The following ZUP1 variants were observed in gnomAD, a reference collection of about 807,000 sequenced individuals.
ZUP1 encodes the protein zinc finger containing ubiquitin peptidase 1.
A neutral mutation model predicts 68.1 loss-of-function variants in ZUP1; 55 were observed. The ratio of observed to expected loss-of-function variants is 0.81; its 90% CI spans 0.65 to 1.01. The LOEUF (loss-of-function observed/expected upper bound fraction) is 1.01. ZUP1 is among the 50% of genes least tolerant of loss of function. The pLI, the probability that ZUP1 is intolerant of heterozygous loss-of-function variation, is 0.00. For synonymous variants in ZUP1, 223 were observed against 221.5 expected (o/e 1.01, Z -0.06); for missense variants, 684 against 674.9 (o/e 1.01, Z -0.15).
At position 116,635,889 on chromosome 6, in the gene ZUP1, A is replaced by G; in HGVS notation, c.1690-10T>C. ...AAGCTTGTCTCCTGGCCTTGAAAAGAAATTTTAAAAAACAATTTTAAGCTA... is the reference window on the plus strand; with the variant it reads ...AAGCTTGTCTCCTGGCCTTGAAAAGGAATTTTAAAAAACAATTTTAAGCTA... On this transcript the variant is annotated splice_polypyrimidine_tract_variant and intron_variant, in intron 9 of 9. Transcript: ENST00000368576. The G allele has an allele frequency of 1.3e-6, 2 of 1,574,096 alleles. No homozygotes were observed. The highest frequency in any genetic ancestry group is 1.7e-6 in the Non-Finnish European group (2 of 1,161,160).
intron 3 of ZUP1, among the ~76,000 whole-genome samples, 159 bp downstream of exon 3, chr6:116,660,577 T>C (rs1776803486): frequency 6.6e-6 from 1 of 152,248 alleles, no homozygotes. Flanking sequence ...CAGATACTTC[T>C]AGCTGCTAAA....
chr6:116,656,454 T>C (rs1465658625), intron 5 of ZUP1, among the ~76,000 whole-genome samples: 1 of 152,220 alleles, frequency 6.6e-6, no homozygotes, highest in Non-Finnish European at 1.5e-5. Context: ...TATATTTCTC[T>C]TAGCACTCTC....
At chr6:116,660,517 C>T in intron 3 of ZUP1, 1 of 433,346 alleles carries the variant, frequency 2.3e-6, no homozygotes, top group Non-Finnish European at 4.1e-6. Context: ...TTTTATGTGC[C>T]ATATGGCAGT....
At chr6:116,653,224 TA>T (rs1776569480) in intron 5 of ZUP1, among the ~76,000 whole-genome samples, 1 of 152,064 alleles carries the variant, frequency 6.6e-6, no homozygotes, top group Non-Finnish European at 1.5e-5. Context: ...ACTGTCTTCA[TA>T]GACCCTTTTT....
chr6:116,640,944 A>G (rs1776076968), intron 9 of ZUP1, among the ~76,000 whole-genome samples: 1 of 148,814 alleles, frequency 6.7e-6, no homozygotes, highest in Non-Finnish European at 1.5e-5. Flanking sequence ...CAGGAAACCC[A>G]TCTCACGTGC....
At chr6:116,642,596 T>A (rs552389193) in intron 9 of ZUP1, among the ~76,000 whole-genome samples, 24 of 152,340 alleles carry the variant, frequency 1.6e-4, no homozygotes, top group African/African-American at 5.5e-4. Context: ...CACATGATTA[T>A]CTCAATAGAT....
rs188508255 is a variant in ZUP1, at chr6:116,642,955, A to C, written c.1689+2759T>G. Among the ~76,000 whole-genome samples the C allele has an allele frequency of 4.1e-3, 631 of 152,306 alleles. 4 individuals are homozygous for C. Among genetic ancestry groups the C allele is most frequent in the African/African-American group, 0.014 (586 of 41,554 alleles). On this transcript the variant is annotated intron_variant, in intron 9 of 9. Coordinates refer to ENST00000368576, the MANE Select transcript of ZUP1 (RefSeq NM_145062.3). ...AGAAAACCCCACTGTCTCAGCCCAA[A>C]ATCTCCTTAAGTTGATAAGCAACTT...
At chr6:116,637,213 C>T (rs901500495) in intron 9 of ZUP1, among the ~76,000 whole-genome samples, 3 of 152,166 alleles carry the variant, frequency 2.0e-5, no homozygotes, top group Admixed American at 6.5e-5. Context: ...GGAATCCTGA[C>T]TCTCTATTTA....
chr6:116,656,842 C>T lies in ZUP1; in HGVS notation c.803G>A (p.Gly268Asp). The T allele has an allele frequency of 6.3e-7, 1 of 1,597,782 alleles. No homozygotes were observed. Among genetic ancestry groups the T allele is most frequent in the South Asian group, 1.1e-5 (1 of 88,860 alleles). ...EEFQKLQRQY[G>D]LDNSGGYKQQ... is the part of the protein sequence containing the mutation. ...TTTGTATCCTCCAGAATTATCTAAA[C>T]CATATTGTCTCTATTGAACATAAAA... The change falls in exon 5 of 10, where the codon GGT (glycine) becomes GAT (aspartate). Residue 268 changes from glycine to aspartate, a missense_variant. Gly to Asp is a moderately conservative substitution (Grantham distance 94). Coordinates refer to ENST00000368576, the MANE Select transcript of ZUP1 (RefSeq NM_145062.3).
At chr6:116,667,834 T>C (rs959440938) in intron 1 of ZUP1, among the ~76,000 whole-genome samples, 1 of 152,094 alleles carries the variant, frequency 6.6e-6, no homozygotes, top group Non-Finnish European at 1.5e-5. Context: ...GCAGAAGTGG[T>C]ATAGTAGAAA....
Position 116,666,650 on chromosome 6 carries a change from TA to T in ZUP1, c.542del (p.Leu181Ter). ...THVKTKHANL[L>X]DIPLEDCDQP... ...AAACTTTACCTTCCAATGGAATGTC[TA>T]AAAGATTGGCATGCTTTGTTTTCAC... On this transcript the variant is annotated frameshift_variant, in exon 2 of 10. Coordinates refer to ENST00000368576, the MANE Select transcript of ZUP1 (RefSeq NM_145062.3). LOFTEE classifies it high-confidence loss of function. The T allele has an allele frequency of 6.3e-7, 1 of 1,582,604 alleles. No individual in the cohort carries two copies. Among genetic ancestry groups the T allele is most frequent in the Middle Eastern group, 1.7e-4 (1 of 5,912 alleles).
intron 9 of ZUP1, among the ~76,000 whole-genome samples, chr6:116,641,916 G>A (rs1318030037): frequency 3.3e-5 from 5 of 151,896 alleles, no homozygotes; most frequent in African/African-American, 1.2e-4. Context: ...TTTTTTGAAA[G>A]GATCAACAAA....
chr6:116,651,425 A>G, intron 7 of ZUP1, 147 bp downstream of exon 7: 1 of 598,892 alleles, frequency 1.7e-6, no homozygotes, highest in Non-Finnish European at 2.8e-6. Context: ...AGCACAAGAT[A>G]GTGAATAGGC....
intron 2 of ZUP1, 70 bp downstream of exon 2, chr6:116,666,564 C>G: frequency 1.5e-6 from 2 of 1,373,602 alleles, no homozygotes; most frequent in Non-Finnish European, 1.9e-6. Flanking sequence ...ACTTACAAAC[C>G]AACTTTTAAA....
At chr6:116,642,311 A>G (rs1776130617) in intron 9 of ZUP1, among the ~76,000 whole-genome samples, 1 of 152,202 alleles carries the variant, frequency 6.6e-6, no homozygotes, top group South Asian at 2.1e-4. Flanking sequence ...ATAGAAAAAG[A>G]GGGAATCCTC....
intron 8 of ZUP1, chr6:116,646,296 A>C (rs1776307489): frequency 5.9e-6 from 1 of 169,844 alleles, no homozygotes. Flanking sequence ...TAAACCCATA[A>C]ATGCTAGAAT....
intron 6 of ZUP1, 25 bp downstream of exon 6, chr6:116,651,979 G>C: frequency 6.2e-7 from 1 of 1,607,738 alleles, no homozygotes; most frequent in Non-Finnish European, 8.5e-7. Flanking sequence ...CAGATGACAA[G>C]TTCAGAGTAC....
Position 116,635,767 on chromosome 6 carries a change from C to A in ZUP1, c.*65G>T, listed in dbSNP as rs555894690. The A allele has an allele frequency of 3.5e-5, 46 of 1,304,584 alleles. No homozygotes were observed. The highest frequency in any genetic ancestry group is 4.5e-5 in the Admixed American group (2 of 44,458). 80.8% of individuals were successfully genotyped at this position (1,304,584 alleles called of 1,614,324 possible). A position where few individuals can be genotyped will look rare whatever the true frequency, so the allele number is the denominator to read the frequency against. On this transcript the variant is annotated 3_prime_UTR_variant, in exon 10 of 10. Coordinates refer to ENST00000368576, the MANE Select transcript of ZUP1 (RefSeq NM_145062.3). ...AGATTCATAATTGTATTAAGGAGTT[C>A]AATATCTACATTTAGAAAACAAAGT...
rs1371119394 is a variant in ZUP1, at chr6:116,656,830, G to C, written c.815C>G (p.Ser272Cys). The change falls in exon 5 of 10, where the codon TCT becomes TGT. Residue 272 changes from serine to cysteine, a missense_variant. Transcript: ENST00000368576. ...TAGTTGTTGTTGTTTGTATCCTCCAGAATTATCTAAACCATATTGTCTCTA... is the reference window on the plus strand; with the variant it reads ...TAGTTGTTGTTGTTTGTATCCTCCACAATTATCTAAACCATATTGTCTCTA... The part of the protein sequence containing the change: ...KLQRQYGLDN[S>C]GGYKQQQLRN... The C allele has an allele frequency of 6.2e-7, 1 of 1,603,176 alleles. No individual in the cohort carries two copies. Among genetic ancestry groups the C allele is most frequent in the Non-Finnish European group, 8.5e-7 (1 of 1,173,832 alleles).
Sources: allele counts gnomAD v4.1 joint callset (sites outside exome capture counted in the v4.1 genomes callset), GRCh38; gene constraint gnomAD v4.1.1; transcripts MANE v1.5; gene names NCBI Gene and HGNC (gene_info 2026-07-23, HGNC 2026-07-21).